PPP2R2B: variants seen among roughly 807,000 people sequenced by gnomAD.
PPP2R2B encodes protein phosphatase 2 regulatory subunit Bbeta.
In PPP2R2B, 5 loss-of-function variants were observed where a neutral mutation model predicts 46.0. The observed-to-expected ratio is 0.11, with a 90% CI of 0.06 to 0.23. The LOEUF (loss-of-function observed/expected upper bound fraction) is 0.23. PPP2R2B is among the 10% of genes least tolerant of loss of function. The pLI is 1.00. For synonymous variants in PPP2R2B, 215 were observed against 206.7 expected (o/e 1.04, Z -0.34); for missense variants, 367 against 575.0 (o/e 0.64, Z 3.70).
intron 1 of PPP2R2B, among the ~76,000 whole-genome samples, chr5:147,024,203 C>CT (rs1755423273): frequency 1.3e-5 from 2 of 151,546 alleles, no homozygotes; most frequent in Admixed American, 6.6e-5. Context: ...ATCTATCTAT[C>CT]ACCTACTGGT....
At chr5:146,712,566 G>T (rs1349410937) in intron 2 of PPP2R2B, among the ~76,000 whole-genome samples, 1 of 152,156 alleles carries the variant, frequency 6.6e-6, no homozygotes, top group Non-Finnish European at 1.5e-5. Context: ...AGATAACAAT[G>T]AATAATATTA....
At chr5:146,684,573 A>G (rs1264611801) in intron 5 of PPP2R2B, among the ~76,000 whole-genome samples, 1 of 152,204 alleles carries the variant, frequency 6.6e-6, no homozygotes, top group Non-Finnish European at 1.5e-5. Flanking sequence ...GAAAGAAAGA[A>G]ATGGCAATGC....
chr5:146,750,548 A>G (rs145047764), intron 2 of PPP2R2B, among the ~76,000 whole-genome samples: 1 of 152,342 alleles, frequency 6.6e-6, no homozygotes, highest in African/African-American at 2.4e-5. Context: ...TTGGATACAG[A>G]ATATTTCTGT....
At chr5:147,014,626 T>A (rs1754907253) in intron 1 of PPP2R2B, among the ~76,000 whole-genome samples, 1 of 151,318 alleles carries the variant, frequency 6.6e-6, no homozygotes, top group Non-Finnish European at 1.5e-5. Flanking sequence ...CTCAGTAAAC[T>A]ATCGCAAGAA....
intron 1 of PPP2R2B, among the ~76,000 whole-genome samples, chr5:146,905,384 T>C (rs543682082): frequency 3.3e-5 from 5 of 152,304 alleles, no homozygotes; most frequent in African/African-American, 9.6e-5. Context: ...AATGTTCTTG[T>C]CTTAAGTTTG....
At chr5:147,040,200 G>A (rs1267697055) in intron 1 of PPP2R2B, among the ~76,000 whole-genome samples, 1 of 152,072 alleles carries the variant, frequency 6.6e-6, no homozygotes, top group Non-Finnish European at 1.5e-5. Context: ...GTTTGGTGAG[G>A]TCTATGCTAT....
chr5:146,785,142 A>G (rs969210257), intron 2 of PPP2R2B, among the ~76,000 whole-genome samples: 2 of 152,232 alleles, frequency 1.3e-5, no homozygotes, highest in Non-Finnish European at 2.9e-5. Context: ...AATAGTGGTT[A>G]CAAAAGAGAA....
chr5:147,034,629 T>C (rs1755951613), intron 1 of PPP2R2B, among the ~76,000 whole-genome samples: 2 of 152,244 alleles, frequency 1.3e-5, no homozygotes, highest in Admixed American at 6.5e-5. Flanking sequence ...CCCTGTCTCT[T>C]CTTATAGAAC....
chr5:146,912,070 T>C (rs1763203088), intron 1 of PPP2R2B, among the ~76,000 whole-genome samples: 1 of 151,890 alleles, frequency 6.6e-6, no homozygotes, highest in Non-Finnish European at 1.5e-5. Context: ...AAACCCTGTC[T>C]CTACTAAAAT....
intron 1 of PPP2R2B, among the ~76,000 whole-genome samples, chr5:147,050,586 T>C (rs1278885429): frequency 1.3e-5 from 2 of 152,100 alleles, no homozygotes; most frequent in Non-Finnish European, 2.9e-5. Context: ...TGTGTGAACT[T>C]AGACTACTTA....
intron 7 of PPP2R2B, among the ~76,000 whole-genome samples, chr5:146,636,329 C>G (rs1015312030): frequency 2.0e-4 from 30 of 151,940 alleles, no homozygotes; most frequent in Admixed American, 1.7e-3. Flanking sequence ...TTTGGAAACA[C>G]CAGTTTTGTT....
At chr5:146,735,325 AC>A (rs928715121) in intron 2 of PPP2R2B, among the ~76,000 whole-genome samples, 3 of 150,364 alleles carry the variant, frequency 2.0e-5, no homozygotes, top group Admixed American at 6.6e-5. Context: ...TCCCACCAAA[AC>A]CCCCCCCACA....
chr5:146,760,951 A>G (rs1754126741), intron 2 of PPP2R2B, among the ~76,000 whole-genome samples: 1 of 152,214 alleles, frequency 6.6e-6, no homozygotes, highest in Admixed American at 6.5e-5. Context: ...ATGCAAATCA[A>G]AACCACAATG....
intron 2 of PPP2R2B, among the ~76,000 whole-genome samples, chr5:146,725,700 A>G (rs1347270006): frequency 1.3e-5 from 2 of 152,236 alleles, no homozygotes; most frequent in Admixed American, 6.5e-5. Flanking sequence ...GTTTCCTACT[A>G]AAGCTAAATA....
At chr5:146,975,446 G>C (rs1468406149) in intron 1 of PPP2R2B, among the ~76,000 whole-genome samples, 3 of 152,132 alleles carry the variant, frequency 2.0e-5, no homozygotes, top group African/African-American at 7.2e-5. Flanking sequence ...TGGCTATTTT[G>C]AGTAATGCTG....
intron 2 of PPP2R2B, among the ~76,000 whole-genome samples, chr5:146,804,737 A>T (rs1757072924): frequency 6.6e-6 from 1 of 152,166 alleles, no homozygotes; most frequent in South Asian, 2.1e-4. Flanking sequence ...ACTGGAACAA[A>T]AACTGGTAAA....
intron 2 of PPP2R2B, among the ~76,000 whole-genome samples, chr5:146,808,994 T>TGTGC (rs1442659063): frequency 0.048 from 6,506 of 134,424 alleles, 318 homozygotes; most frequent in African/African-American, 0.089. Context: ...TGTGTGTGTG[T>TGTGC]GCGCGCGCAC....
intron 2 of PPP2R2B, among the ~76,000 whole-genome samples, chr5:146,762,963 T>G (rs1754255766): frequency 6.6e-6 from 1 of 152,210 alleles, no homozygotes; most frequent in African/African-American, 2.4e-5. Context: ...TAGTTGAGCC[T>G]CTGTCATTTG....
In PPP2R2B at chr5:146,696,264, C is replaced by T. The variant is rs1279549764; in HGVS notation, c.334+1715G>A. Among the ~76,000 whole-genome samples the T allele has an allele frequency of 5.3e-5, 8 of 152,172 alleles. No individual in the cohort carries two copies. In the East Asian group the frequency reaches 1.2e-3, roughly 22 times the overall value. On this transcript the variant is annotated intron_variant, in intron 4 of 9. Coordinates refer to ENST00000394411, the MANE Select transcript of PPP2R2B (RefSeq NM_181675.4). Reference sequence around the variant, plus strand: ...GACTACAGGTGCCGGCCACCACACCCGGCTAATTTTTTTGTATTTTTAGTA... The same window carrying T: ...GACTACAGGTGCCGGCCACCACACCTGGCTAATTTTTTTGTATTTTTAGTA...
Sources: gnomAD v4.1 joint callset for allele counts (sites outside exome capture counted in the v4.1 genomes callset) on GRCh38, gnomAD v4.1.1 for gene constraint, MANE v1.5 for transcripts, NCBI Gene and HGNC (gene_info 2026-07-23, HGNC 2026-07-21) for gene names.